Variants in PIEZO1 observed in about 807,000 individuals in gnomAD.
The protein encoded by PIEZO1 is piezo-type mechanosensitive ion channel component 1.
In PIEZO1, 296 loss-of-function variants were observed where a neutral mutation model predicts 297.2. The observed-to-expected ratio is 1.00, with a 90% CI of 0.91 to 1.10. The LOEUF (loss-of-function observed/expected upper bound fraction) is 1.10. PIEZO1 is among the 50% of genes least tolerant of loss of function. PIEZO1 has a pLI of 0.00. For synonymous variants in PIEZO1, 2,427 were observed against 1,507.5 expected (o/e 1.61, Z -14.13); for missense variants, 5,018 against 3,455.5 (o/e 1.45, Z -11.34).
chr16:88,717,982 C>G, intron 44 of PIEZO1: 1 of 336,194 alleles, frequency 3.0e-6, no homozygotes, highest in Non-Finnish European at 5.7e-6. Context: ...ACTCGGGAGG[C>G]TGAGGTGGGA....
chr16:88,725,555 G>A (rs144618730), intron 28 of PIEZO1, 36 bp from the exon 29 acceptor site: 27 of 1,531,190 alleles, frequency 1.8e-5, no homozygotes, highest in East Asian at 2.5e-5. Flanking sequence ...CTGAGCATTG[G>A]GGGGAGGAGC....
rs1414332463 is a variant in PIEZO1 at position 88,737,616 on chromosome 16, C to A, written c.1138G>T (p.Ala380Ser). ...AGCTCGTGCACGATGCAGTTATCAG[C>A]CTCGGTGTCGGGTGCTGTGGGCACC... ...HVVPTAPDTE[A>S]DNCIVHELTG... Residue 380 changes from alanine to serine, a missense_variant, in exon 10 of 51, where the codon GCT becomes TCT. By Grantham distance (99) the Ala-to-Ser change is moderately conservative (BLOSUM62 1). Transcript: ENST00000301015. The A allele has an allele frequency of 1.3e-6, 2 of 1,534,968 alleles. No homozygotes were observed. Among genetic ancestry groups the A allele is most frequent in the Admixed American group, 3.9e-5 (2 of 50,980 alleles).
Position 88,715,379 on chromosome 16 carries a change from A to ATT in PIEZO1, c.*225_*226insAA. On this transcript the variant is annotated 3_prime_UTR_variant, in exon 51 of 51. Coordinates refer to ENST00000301015, the MANE Select transcript of PIEZO1 (RefSeq NM_001142864.4). ...TATAAATAAAACATTTTTTAATTAA[A>ATT]AAAAAAACTCTACAGTACACGTGGG... is the stretch of plus-strand genomic sequence containing the variant. 2 of 1,158,812 alleles carry ATT rather than the reference A, an allele frequency of 1.7e-6. No homozygotes were observed. The highest frequency in any genetic ancestry group is 2.4e-6 in the Non-Finnish European group (2 of 837,458). The allele number at this position is 1,158,812 out of a possible 1,614,324, so 71.8% of individuals were successfully genotyped here.
Position 88,742,351 on chromosome 16 carries a change from G to T in PIEZO1, c.232C>A (p.Gln78Lys). The change falls in exon 3 of 51, where the codon CAG becomes AAG. Residue 78 changes from glutamine (Q) to lysine (K), a missense_variant. Coordinates refer to ENST00000301015, the MANE Select transcript of PIEZO1 (RefSeq NM_001142864.4). ...CGGGGCACAATATGCAGGCAGATCTGGAGGGCGAGATGGGCCACCAGGAAG... is the reference window on the plus strand; with the variant it reads ...CGGGGCACAATATGCAGGCAGATCTTGAGGGCGAGATGGGCCACCAGGAAG... ...LLFLVAHLAL[Q>K]ICLHIVPRLD... 1 of 1,535,464 alleles carries T rather than the reference G, an allele frequency of 6.5e-7. No homozygotes were observed.
At position 88,722,590 on chromosome 16, in the gene PIEZO1, C is replaced by T. The variant is rs770625772; in HGVS notation, c.4768G>A (p.Val1590Met). 1.9e-5 allele frequency: 29 copies of T among 1,530,924 alleles called. 2 individuals are homozygous for T. The highest frequency in any genetic ancestry group is 1.1e-4 in the African/African-American group (8 of 72,784). 94.8% of individuals were successfully genotyped at this position (1,530,924 alleles called of 1,614,324 possible). Residue 1590 changes from valine (V) to methionine (M), a missense_variant, in exon 35 of 51, where the codon GTG (valine) becomes ATG (methionine). Physicochemically the swap from Val to Met is conservative, Grantham distance 21 (BLOSUM62 1). Transcript: ENST00000301015. ...PTEAPNAPST[V>M]SSGLGAEEPL... ...GGTCACCCCCGCACCTACCTGGACA[C>T]GGTGCTTGGGGCATTGGGGGCCTCG...
At chr16:88,718,631 TAGA>T (rs1325157803) in intron 44 of PIEZO1, 11 of 152,208 alleles carry the variant, frequency 7.2e-5, no homozygotes, top group African/African-American at 2.7e-4. Context: ...GCAAATCTCA[TAGA>T]ACCAGGACCT....
Position 88,734,962 on chromosome 16 carries a change from C to T in PIEZO1, c.1761G>A (p.Met587Ile). ...AKYWIYVCAG[M>I]FIVVSFAGRL... is the part of the protein sequence containing the mutation. ...GGCCGGCGAAGCTGACCACGATGAA[C>T]ATGCCAGCACACACATAGATCCAGT... The change falls in exon 14 of 51, where the codon ATG (methionine) becomes ATA (isoleucine). Residue 587 changes from methionine (M) to isoleucine (I), a missense_variant. Met to Ile is a conservative substitution (Grantham distance 10). Coordinates refer to ENST00000301015, the MANE Select transcript of PIEZO1 (RefSeq NM_001142864.4). The T allele has an allele frequency of 6.4e-7, 1 of 1,550,534 alleles. No individual in the cohort carries two copies. Among genetic ancestry groups the T allele is most frequent in the Non-Finnish European group, 8.7e-7 (1 of 1,146,980 alleles).
intron 1 of PIEZO1, among the ~76,000 whole-genome samples, chr16:88,761,625 G>A (rs1906937326): frequency 6.6e-6 from 1 of 152,106 alleles, no homozygotes; most frequent in South Asian, 2.1e-4. Flanking sequence ...GGTCCGCAGT[G>A]AACGACCCCC....
At chr16:88,743,655 C>T (rs1466976267) in intron 2 of PIEZO1, 2 of 456,606 alleles carry the variant, frequency 4.4e-6, no homozygotes, top group Admixed American at 2.3e-5. Context: ...TCAGCCCCCT[C>T]TTTCTGGAGC....
chr16:88,740,579 C>T (rs1684934008), intron 5 of PIEZO1: 1 of 152,506 alleles, frequency 6.6e-6, no homozygotes, highest in Non-Finnish European at 1.5e-5. Context: ...GGGCACCAGC[C>T]TTGCCCCATG....
intron 1 of PIEZO1, among the ~76,000 whole-genome samples, chr16:88,770,608 G>T (rs1424207790): frequency 6.6e-6 from 1 of 152,226 alleles, no homozygotes; most frequent in African/African-American, 2.4e-5. Flanking sequence ...TTCCCCCTCA[G>T]CCTGAACACG....
chr16:88,776,512 G>C (rs948671978), intron 1 of PIEZO1, among the ~76,000 whole-genome samples: 3 of 152,210 alleles, frequency 2.0e-5, no homozygotes, highest in African/African-American at 4.8e-5. Flanking sequence ...GCTTCCCTTG[G>C]AGGGGCCCCA....
intron 1 of PIEZO1, among the ~76,000 whole-genome samples, chr16:88,759,951 C>G (rs1039787653): frequency 2.6e-5 from 4 of 152,162 alleles, no homozygotes; most frequent in African/African-American, 9.7e-5. Context: ...CCCACCTTCA[C>G]CAGCCACCCT....
rs1905088409 is a variant in PIEZO1, at chr16:88,734,712, G to A, written c.1935C>T (p.Tyr645=). The part of the protein sequence containing the change: ...AYTMLVLIAV[Y]TFQFQDFPAY... ...CAGGGAAGTCCTGGAACTGGAAGGT[G>A]TAGACGGCGATGAGGACCAGCATGG... The change falls in exon 15 of 51, where the codon TAC becomes TAT. Residue 645 remains tyrosine, a synonymous_variant. Transcript: ENST00000301015. 3 of 1,550,386 alleles carry A rather than the reference G, an allele frequency of 1.9e-6. No homozygotes were observed. Among genetic ancestry groups the A allele is most frequent in the South Asian group, 1.2e-5 (1 of 84,064 alleles).
rs57390546 is a variant in PIEZO1, at chr16:88,727,943, G to A, written c.3197-282C>T. 562 of 283,380 alleles carry A rather than the reference G, an allele frequency of 2.0e-3. 2 individuals are homozygous for A. The highest frequency in any genetic ancestry group is 9.4e-3 in the African/African-American group (434 of 45,966). 17.6% of individuals were successfully genotyped at this position (283,380 alleles called of 1,614,324 possible). On this transcript the variant is annotated intron_variant, in intron 22 of 50. Transcript: ENST00000301015. Reference sequence around the variant, plus strand: ...GGGCCTGAGTTGTGGCCCACACGGCGTCATATTCCATGATAGGACAGTGCG... The same window carrying A: ...GGGCCTGAGTTGTGGCCCACACGGCATCATATTCCATGATAGGACAGTGCG...
intron 12 of PIEZO1, among the ~76,000 whole-genome samples, chr16:88,735,813 G>GGT (rs1270828665): frequency 1.3e-5 from 2 of 152,222 alleles, no homozygotes; most frequent in African/African-American, 4.8e-5. Context: ...CACTGTCAGG[G>GGT]GCGCAGGGGT....
At chr16:88,779,916 T>C (rs1024868558) in intron 1 of PIEZO1, among the ~76,000 whole-genome samples, 2 of 152,196 alleles carry the variant, frequency 1.3e-5, no homozygotes, top group Non-Finnish European at 2.9e-5. Context: ...GGGGGACGGC[T>C]GTCCCGCCCC....
chr16:88,732,594 C>T lies in PIEZO1; in HGVS notation c.2790+13G>A. ...ACTCGCCCGCCCAGCCGCCCACCAG[C>T]CCTTCAACTCACCTGGATGTAGCCC... On this transcript the variant is annotated intron_variant, in intron 20 of 50. Transcript: ENST00000301015. 6.5e-7 allele frequency: 1 copy of T among 1,546,734 alleles called. No individual in the cohort carries two copies. Among genetic ancestry groups the T allele is most frequent in the Non-Finnish European group, 8.7e-7 (1 of 1,144,364 alleles).
chr16:88,725,427 C>T lies in PIEZO1; in HGVS notation c.4151G>A (p.Gly1384Asp). The change falls in exon 29 of 51, where the codon GGC (glycine) becomes GAC (aspartate). Residue 1384 changes from glycine (G) to aspartate (D), a missense_variant. Transcript: ENST00000301015. ...PQDTLGPKDP[G>D]LEPGPDSPGG... ...CCAGCTGCACTCACCTGGCTCCAGG[C>T]CGGGGTCCTTGGGGCCCAGGGTGTC... is the stretch of plus-strand genomic sequence containing the variant. 1 of 1,460,914 alleles carries T rather than the reference C, an allele frequency of 6.8e-7. No individual in the cohort carries two copies. Among genetic ancestry groups the T allele is most frequent in the South Asian group, 1.4e-5 (1 of 70,550 alleles). The allele number at this position is 1,460,914 out of a possible 1,614,324, so 90.5% of individuals were successfully genotyped here.
Sources: allele counts gnomAD v4.1 joint callset (sites outside exome capture counted in the v4.1 genomes callset), GRCh38; gene constraint gnomAD v4.1.1; transcripts MANE v1.5; gene names NCBI Gene and HGNC (gene_info 2026-07-23, HGNC 2026-07-21).